Variants in PSMC1 observed in about 807,000 individuals in gnomAD.
PSMC1 encodes the protein 26S proteasome regulatory subunit 4.
A neutral mutation model predicts 49.8 loss-of-function variants in PSMC1; 5 were observed. That is an observed-to-expected ratio of 0.10 (90% CI 0.05 to 0.21). The LOEUF (loss-of-function observed/expected upper bound fraction) is 0.21, where lower values mean the gene tolerates loss of function less well. Among genes scored for constraint, PSMC1 ranks in the 10% least tolerant of loss-of-function variants. The pLI, the probability that PSMC1 is intolerant of heterozygous loss-of-function variation, is 1.00. For missense variants in PSMC1, 181 were observed against 535.7 expected (o/e 0.34, Z 6.54); for synonymous variants, 155 against 192.1 (o/e 0.81, Z 1.60).
chr14:90,266,777 A>G (rs1891527450), intron 7 of PSMC1, among the ~76,000 whole-genome samples: 1 of 152,176 alleles, frequency 6.6e-6, no homozygotes, highest in African/African-American at 2.4e-5. Flanking sequence ...ATCCACTGGA[A>G]AGGTCCTATT....
rs1891760747 is a variant in PSMC1, at chr14:90,274,808, AC to A, written c.*2402del. The A allele has an allele frequency of 2.9e-5, 2 of 67,836 alleles. No individual in the cohort carries two copies. The highest frequency in any genetic ancestry group is 6.0e-5 in the Non-Finnish European group (2 of 33,400). 4.2% of individuals were successfully genotyped at this position (67,836 alleles called of 1,614,324 possible). ...GAACTACACACACACACACACACAC[AC>A]ACACACACACACACACACACACACA... On this transcript the variant is annotated 3_prime_UTR_variant, in exon 11 of 11. Transcript: ENST00000261303.
At chr14:90,259,603 T>C (rs978904255) in intron 2 of PSMC1, among the ~76,000 whole-genome samples, 5 of 150,836 alleles carry the variant, frequency 3.3e-5, no homozygotes, top group South Asian at 2.1e-4. Context: ...CTTATGTGTA[T>C]GGTAAAACGA....
At position 90,266,825 on chromosome 14, in the gene PSMC1, GAGC is replaced by G. The variant is rs1566674078; in HGVS notation, c.692-1396_692-1394del. On this transcript the variant is annotated intron_variant, in intron 7 of 10. Transcript: ENST00000261303. ...ACCTTCCCTCATTGATGCTTTCAGG[GAGC>G]AGTCCAGCCTTTGCATCTGCTACTC... is the stretch of plus-strand genomic sequence containing the variant. 3.9e-5 allele frequency among the ~76,000 whole-genome samples: 6 copies of G among 152,286 alleles called. No individual in the cohort carries two copies. In the South Asian group the frequency reaches 1.2e-3, roughly 32 times the overall value.
chr14:90,268,427 T>C lies in PSMC1; in HGVS notation c.881+14T>C, dbSNP rs767167551. On this transcript the variant is annotated intron_variant, in intron 8 of 10. Coordinates refer to ENST00000261303, the MANE Select transcript of PSMC1 (RefSeq NM_002802.3). Reference sequence around the variant, plus strand: ...TGGGACAAAAAGGTAGACTTTCTCATACTTATTTTGCCTTGTTTAGTAGGG... The same window carrying C: ...TGGGACAAAAAGGTAGACTTTCTCACACTTATTTTGCCTTGTTTAGTAGGG... 20 of 1,613,530 alleles carry C rather than the reference T, an allele frequency of 1.2e-5. 1 individual carries two copies. In the South Asian group the frequency reaches 2.2e-4, roughly 18 times the overall value.
rs762880790 is a variant in PSMC1, at chr14:90,274,687, T to C, written c.*2280T>C. The C allele has an allele frequency of 1.3e-5, 2 of 152,094 alleles. No individual in the cohort carries two copies. The highest frequency in any genetic ancestry group is 2.9e-5 in the Non-Finnish European group (2 of 68,106). The allele number at this position is 152,094 out of a possible 1,614,324, so 9.4% of individuals were successfully genotyped here. A position where few individuals can be genotyped will look rare whatever the true frequency, so the allele number is the denominator to read the frequency against. ...GACATGTCCTAAGGACACCGAAGCC[T>C]ATGTGAAGGGGCTTCCACTGGCCAA... On this transcript the variant is annotated 3_prime_UTR_variant, in exon 11 of 11. Coordinates refer to ENST00000261303, the MANE Select transcript of PSMC1 (RefSeq NM_002802.3).
Position 90,274,295 on chromosome 14 carries a change from CTGATGTGCAGTA to C in PSMC1, c.*1892_*1903del, listed in dbSNP as rs1891743639. 1 of 155,668 alleles carries C rather than the reference CTGATGTGCAGTA, an allele frequency of 6.4e-6. No individual in the cohort carries two copies. The highest frequency in any genetic ancestry group is 6.5e-5 in the Admixed American group (1 of 15,282). The allele number at this position is 155,668 out of a possible 1,614,324, so 9.6% of individuals were successfully genotyped here. On this transcript the variant is annotated 3_prime_UTR_variant, in exon 11 of 11. Transcript: ENST00000261303. Reference sequence around the variant, plus strand: ...GATAGGGGGAGTCAGTGTGGGCAGCCTGATGTGCAGTATGAGAGCCCAAGTGGGTGAGGAAGG... The same window carrying C: ...GATAGGGGGAGTCAGTGTGGGCAGCCTGAGAGCCCAAGTGGGTGAGGAAGG...
At chr14:90,257,323 A>C (rs936361176) in intron 1 of PSMC1, among the ~76,000 whole-genome samples, 2 of 152,158 alleles carry the variant, frequency 1.3e-5, no homozygotes, top group African/African-American at 4.8e-5. Context: ...AATCATCAGA[A>C]ATATGTAATA....
chr14:90,265,313 A>T, intron 7 of PSMC1, 147 bp downstream of exon 7: 1 of 521,868 alleles, frequency 1.9e-6, no homozygotes, highest in Non-Finnish European at 3.3e-6. Flanking sequence ...GCATGTTGGA[A>T]TCACCTTGGG....
intron 8 of PSMC1, chr14:90,268,655 G>C: frequency 2.4e-6 from 1 of 415,178 alleles, no homozygotes; most frequent in Non-Finnish European, 4.3e-6. Flanking sequence ...CCCTGATCCA[G>C]GACCATCTGG....
chr14:90,259,016 A>G (rs1249267049), intron 1 of PSMC1, 144 bp from the exon 2 acceptor site: 2 of 654,890 alleles, frequency 3.1e-6, no homozygotes, highest in Non-Finnish European at 4.7e-6. Flanking sequence ...GACTGCAAGT[A>G]TTACATCTTG....
intron 1 of PSMC1, among the ~76,000 whole-genome samples, chr14:90,257,574 A>C (rs1056951156): frequency 6.6e-6 from 1 of 152,190 alleles, no homozygotes; most frequent in Non-Finnish European, 1.5e-5. Flanking sequence ...AACGGCAAGA[A>C]GGCCAGATCT....
intron 10 of PSMC1, chr14:90,270,566 C>A: frequency 2.0e-6 from 1 of 509,948 alleles, no homozygotes; most frequent in Non-Finnish European, 3.2e-6. Context: ...CGCTAAATCA[C>A]CTGGAGCCAC....
chr14:90,263,891 T>C, intron 5 of PSMC1, 44 bp downstream of exon 5: 1 of 1,609,788 alleles, frequency 6.2e-7, no homozygotes, highest in Non-Finnish European at 8.5e-7. Context: ...AAGTGCTTTC[T>C]CTTCTCACTT....
chr14:90,269,598 G>C (rs1160415481), intron 9 of PSMC1, 50 bp downstream of exon 9: 5 of 1,571,596 alleles, frequency 3.2e-6, no homozygotes, highest in Non-Finnish European at 3.5e-6. Context: ...TTATATATTT[G>C]TGTTTAAGTG....
In PSMC1 at chr14:90,259,225, A is replaced by G. The variant is rs772023461; in HGVS notation, c.57+12A>G. The G allele has an allele frequency of 6.2e-7, 1 of 1,613,526 alleles. No individual in the cohort carries two copies. Among genetic ancestry groups the G allele is most frequent in the Non-Finnish European group, 8.5e-7 (1 of 1,179,570 alleles). On this transcript the variant is annotated intron_variant, in intron 2 of 10. Transcript: ENST00000261303. ...AGAAGGATGACAAGGTAAATATGCCAGATTTGTCCTGTGATATGAGCAAAT... is the reference window on the plus strand; with the variant it reads ...AGAAGGATGACAAGGTAAATATGCCGGATTTGTCCTGTGATATGAGCAAAT...
intron 3 of PSMC1, among the ~76,000 whole-genome samples, chr14:90,260,656 C>T (rs925912189): frequency 2.9e-4 from 44 of 152,096 alleles, no homozygotes; most frequent in African/African-American, 9.4e-4. Context: ...GGCATGAACC[C>T]GGGAGGCGGA....
At chr14:90,266,303 T>C (rs906194709) in intron 7 of PSMC1, among the ~76,000 whole-genome samples, 16 of 152,012 alleles carry the variant, frequency 1.1e-4, no homozygotes, top group African/African-American at 3.6e-4. Flanking sequence ...TCAGATTCAT[T>C]TGGTAGAGCT....
chr14:90,257,462 T>C (rs1189395916), intron 1 of PSMC1, among the ~76,000 whole-genome samples: 2 of 151,976 alleles, frequency 1.3e-5, no homozygotes, highest in African/African-American at 4.8e-5. Flanking sequence ...CGGACCGAAA[T>C]TGAGGGAGTA....
intron 8 of PSMC1, 95 bp from the exon 9 acceptor site, chr14:90,269,302 T>C: frequency 9.1e-7 from 1 of 1,093,498 alleles, no homozygotes; most frequent in Non-Finnish European, 1.3e-6. Context: ...GGAATGTTTG[T>C]TAAGGTGTTT....
Sources: gnomAD v4.1 joint callset for allele counts (sites outside exome capture counted in the v4.1 genomes callset) on GRCh38, gnomAD v4.1.1 for gene constraint, MANE v1.5 for transcripts, NCBI Gene and HGNC (gene_info 2026-07-23, HGNC 2026-07-21) for gene names.